CHTF18: variants seen among roughly 807,000 people sequenced by gnomAD.
The protein encoded by CHTF18 is chromosome transmission fidelity protein 18 homolog.
CHTF18 carries 151 observed loss-of-function variants against 113.4 expected under a neutral mutation model. That is an observed-to-expected ratio of 1.33 (90% CI 1.17 to 1.52). The LOEUF (loss-of-function observed/expected upper bound fraction) is 1.52. CHTF18 is among the 40% of genes most tolerant of loss of function. The pLI is 0.00. For synonymous variants in CHTF18, 916 were observed against 598.8 expected (o/e 1.53, Z -7.74); for missense variants, 1,982 against 1,381.6 (o/e 1.43, Z -6.89).
Position 790,160 on chromosome 16 carries a change from T to C in CHTF18, c.607-17T>C, listed in dbSNP as rs2151641517. 6.3e-7 allele frequency: 1 copy of C among 1,579,896 alleles called. No individual in the cohort carries two copies. The highest frequency in any genetic ancestry group is 2.3e-5 in the East Asian group (1 of 42,798). Reference sequence around the variant, plus strand: ...CCTAGGAGGGGCCCAGAGGCAATTGTCCTCCCTTCCCCACAGGGCTCTCTC... The same window carrying C: ...CCTAGGAGGGGCCCAGAGGCAATTGCCCTCCCTTCCCCACAGGGCTCTCTC... On this transcript the variant is annotated splice_polypyrimidine_tract_variant and intron_variant, in intron 4 of 21. Transcript: ENST00000262315.
chr16:797,572 G>A (rs976613827), intron 20 of CHTF18, 122 bp from the exon 21 acceptor site: 30 of 1,060,446 alleles, frequency 2.8e-5, no homozygotes, highest in Non-Finnish European at 3.9e-5. Context: ...GCCAGGTTCC[G>A]AAAGGTGTCT....
intron 7 of CHTF18, chr16:790,913 CT>C: frequency 7.0e-7 from 1 of 1,432,932 alleles, no homozygotes. Context: ...CCTTTCCTAC[CT>C]TCACAGCAGC....
Position 792,592 on chromosome 16 carries a change from T to C in CHTF18, c.1478+2T>C, listed in dbSNP as rs2042230073. 6.3e-7 allele frequency: 1 copy of C among 1,595,240 alleles called. No individual in the cohort carries two copies. Among genetic ancestry groups the C allele is most frequent in the Non-Finnish European group, 8.5e-7 (1 of 1,174,154 alleles). On this transcript the variant is annotated splice_donor_variant, in intron 11 of 21. Coordinates refer to ENST00000262315, the MANE Select transcript of CHTF18 (RefSeq NM_022092.3). LOFTEE classifies it high-confidence loss of function. ...CATTATCTGCATTTGCAATGACCAG[T>C]GAGTGCATGGGCGGGCGCCACAGTC...
chr16:790,918 C>G, intron 7 of CHTF18: 2 of 1,433,032 alleles, frequency 1.4e-6, no homozygotes, highest in South Asian at 3.0e-5. Flanking sequence ...CCTACCTTCA[C>G]AGCAGCTGAC....
At chr16:795,539 C>T (rs1329685278) in intron 16 of CHTF18, 146 bp from the exon 17 acceptor site, 58 of 115,108 alleles carry the variant, frequency 5.0e-4, no homozygotes, top group Admixed American at 3.5e-3. Flanking sequence ...CCGTGCCCGC[C>T]CCCCCAAACA....
At chr16:789,757 C>T (rs2042122294) in intron 4 of CHTF18, 42 bp downstream of exon 4, 4 of 1,531,348 alleles carry the variant, frequency 2.6e-6, no homozygotes, top group Admixed American at 1.9e-5. Context: ...TGGGCCAGTG[C>T]TGCTCAGGAA....
intron 20 of CHTF18, 81 bp downstream of exon 20, chr16:797,173 A>G (rs959686586): frequency 1.3e-4 from 188 of 1,422,614 alleles, no homozygotes; most frequent in Non-Finnish European, 1.6e-4. Context: ...AGGCGGGGCC[A>G]AGGCACCCAT....
At chr16:789,972 T>C in intron 4 of CHTF18, 1 of 1,534,900 alleles carries the variant, frequency 6.5e-7, no homozygotes. Flanking sequence ...CCTTTCCTCC[T>C]TTCTCCTAAA....
At chr16:797,630 G>C (rs1340869580) in intron 20 of CHTF18, 64 bp from the exon 21 acceptor site, 3 of 1,573,866 alleles carry the variant, frequency 1.9e-6, no homozygotes, top group African/African-American at 2.7e-5. Context: ...CGGTCCTCCT[G>C]TCTTGGGTAG....
Position 789,271 on chromosome 16 carries a change from G to A in CHTF18, c.348G>A (p.Glu116=), listed in dbSNP as rs755577200. The A allele has an allele frequency of 2.5e-6, 4 of 1,570,810 alleles. No homozygotes were observed. Among genetic ancestry groups the A allele is most frequent in the South Asian group, 2.3e-5 (2 of 85,708 alleles). ...AGAGGCTGAACTTCAGATCGGAGGA[G>A]ATGGAGGAGCCGCCCCCTCCCGACT... ...VVKRLNFRSE[E]MEEPPPPDSS... The change falls in exon 3 of 22, where the codon GAG becomes GAA. Residue 116 remains glutamate, a synonymous_variant. Coordinates refer to ENST00000262315, the MANE Select transcript of CHTF18 (RefSeq NM_022092.3).
rs376527232 is a variant in CHTF18 at position 790,521 on chromosome 16, C to T, written c.753-4C>T. The T allele has an allele frequency of 3.7e-6, 6 of 1,602,754 alleles. No homozygotes were observed. The highest frequency in any genetic ancestry group is 2.2e-5 in the East Asian group (1 of 44,524). On this transcript the variant is annotated splice_region_variant and splice_polypyrimidine_tract_variant and intron_variant, in intron 6 of 21. Coordinates refer to ENST00000262315, the MANE Select transcript of CHTF18 (RefSeq NM_022092.3). Reference sequence around the variant, plus strand: ...TTTGTGGCTCAGGACGTGGTCCTCTCCAGTCTCAGGTCGGGGGAGGAGGAG... The same window carrying T: ...TTTGTGGCTCAGGACGTGGTCCTCTTCAGTCTCAGGTCGGGGGAGGAGGAG...
At position 789,475 on chromosome 16, in the gene CHTF18, A is replaced by G. The variant is rs181657395; in HGVS notation, c.438-72A>G. On this transcript the variant is annotated intron_variant, in intron 3 of 21. Transcript: ENST00000262315. ...TGGGGAGGGTTCCATGGCTGAGAGC[A>G]GTCTCGGACACCCATATCCAAGGGT... 2.6e-4 allele frequency: 403 copies of G among 1,539,150 alleles called. 1 individual carries two copies. The African/African-American group carries it at 4.7e-3, about 18-fold the overall frequency.
rs199955523 is a variant in CHTF18, at chr16:789,668, C to T, written c.559C>T (p.Arg187Trp). 1.2e-4 allele frequency: 199 copies of T among 1,603,148 alleles called. No individual in the cohort carries two copies. Among genetic ancestry groups the T allele is most frequent in the Admixed American group, 1.7e-4 (10 of 59,942 alleles). The stretch of plus-strand genomic sequence containing the variant: ...CCACGTGACATCCACGGAGGGCGTC[C>T]GGGCTTATCTGGTGCTGCGTGCTGA... ...YVHVTSTEGV[R>W]AYLVLRADPM... Residue 187 changes from arginine to tryptophan, a missense_variant, in exon 4 of 22, where the codon CGG becomes TGG. Transcript: ENST00000262315.
chr16:796,846 A>G lies in CHTF18; in HGVS notation c.2586A>G (p.Val862=), dbSNP rs1367273727. Reference sequence around the variant, plus strand: ...GGCGGGCGGAGGCTTCTGCCCGGGTAGAGAACAGCCCCCAGGTGAGCCCAC... The same window carrying G: ...GGCGGGCGGAGGCTTCTGCCCGGGTGGAGAACAGCCCCCAGGTGAGCCCAC... ...KMRRAEASAR[V]ENSPQVDGSP... is the part of the protein sequence containing the mutation. The change falls in exon 19 of 22, where the codon GTA becomes GTG. Residue 862 remains valine, a synonymous_variant. Transcript: ENST00000262315. 5 of 1,604,700 alleles carry G rather than the reference A, an allele frequency of 3.1e-6. No individual in the cohort carries two copies. Among genetic ancestry groups the G allele is most frequent in the Non-Finnish European group, 4.2e-6 (5 of 1,176,822 alleles).
At chr16:792,149 G>C in intron 9 of CHTF18, 75 bp from the exon 10 acceptor site, 1 of 1,525,828 alleles carries the variant, frequency 6.6e-7, no homozygotes, top group Non-Finnish European at 8.8e-7. Flanking sequence ...ACGCAAATGC[G>C]GCAGCCCCGG....
rs778839776 is a variant in CHTF18, at chr16:791,225, G to A, written c.959G>A (p.Arg320Lys). The A allele has an allele frequency of 1.9e-6, 3 of 1,611,334 alleles. No homozygotes were observed. In the East Asian group the frequency reaches 6.7e-5, roughly 36 times the overall value. ...LWDLVVFGHERPSRKPRPSVE... is the reference protein window; with the variant it reads ...LWDLVVFGHEKPSRKPRPSVE... Reference sequence around the variant, plus strand: ...GACCTGGTGGTGTTTGGCCACGAGAGGCCTTCCCGGAAGCCCAGGCCCAGT... The same window carrying A: ...GACCTGGTGGTGTTTGGCCACGAGAAGCCTTCCCGGAAGCCCAGGCCCAGT... The change falls in exon 8 of 22, where the codon AGG becomes AAG. Residue 320 changes from arginine to lysine, a missense_variant. Coordinates refer to ENST00000262315, the MANE Select transcript of CHTF18 (RefSeq NM_022092.3).
rs368234197 is a variant in CHTF18, at chr16:797,958, A to C, written c.2911A>C (p.Ile971Leu). Reference protein sequence around the residue: ...VSNAVRRSLYIRDLL With the variant: ...VSNAVRRSLYLRDLL ...CAACGCCGTGCGGCGCAGCCTGTAC[A>C]TCAGGGACTTGCTCTAGTTCTCTGA... The change falls in exon 22 of 22, where the codon ATC becomes CTC. Residue 971 changes from isoleucine to leucine, a missense_variant. Physicochemically the swap from Ile to Leu is conservative, Grantham distance 5. Transcript: ENST00000262315. 24 of 1,611,896 alleles carry C rather than the reference A, an allele frequency of 1.5e-5. No homozygotes were observed. The highest frequency in any genetic ancestry group is 1.9e-5 in the Non-Finnish European group (23 of 1,179,510).
chr16:793,432 C>G (rs1011200344), intron 14 of CHTF18, among the ~76,000 whole-genome samples, 158 bp downstream of exon 14: 2 of 152,144 alleles, frequency 1.3e-5, no homozygotes, highest in Non-Finnish European at 2.9e-5. Flanking sequence ...CAGCCTTTTC[C>G]TGGCTTGTTC....
At chr16:795,464 G>A (rs2042314355) in intron 16 of CHTF18, 108 bp downstream of exon 16, 4 of 424,592 alleles carry the variant, frequency 9.4e-6, no homozygotes, top group Non-Finnish European at 1.5e-5. Flanking sequence ...CACACTGCCC[G>A]TGTGGCTGCC....
Sources: allele counts gnomAD v4.1 joint callset (sites outside exome capture counted in the v4.1 genomes callset), GRCh38; gene constraint gnomAD v4.1.1; transcripts MANE v1.5; gene names NCBI Gene and HGNC (gene_info 2026-07-23, HGNC 2026-07-21).